Variants in STX5 observed in about 807,000 individuals in gnomAD.
The protein encoded by STX5 is syntaxin-5.
STX5 carries 15 observed loss-of-function variants against 42.9 expected under a neutral mutation model. The observed-to-expected ratio is 0.35, with a 90% confidence interval of 0.23 to 0.54. The LOEUF is 0.54. Among genes scored for constraint, STX5 ranks in the 20% least tolerant of loss-of-function variants. The pLI is 0.91. For missense variants in STX5, 430 were observed against 455.0 expected (o/e 0.95, Z 0.50); for synonymous variants, 184 against 173.2 (o/e 1.06, Z -0.49).
At chr11:62,827,949 G>A (rs1353158166) in intron 2 of STX5, among the ~76,000 whole-genome samples, 1 of 150,704 alleles carries the variant, frequency 6.6e-6, no homozygotes, top group African/African-American at 2.4e-5. Flanking sequence ...TAACAAAAAG[G>A]CTGAAAAGTA....
At chr11:62,811,353 A>T (rs1291985636) in intron 10 of STX5, among the ~76,000 whole-genome samples, 1 of 151,676 alleles carries the variant, frequency 6.6e-6, no homozygotes, top group Non-Finnish European at 1.5e-5. Flanking sequence ...CCTAATTCTC[A>T]CCCAGCATCA....
At position 62,825,556 on chromosome 11, in the gene STX5, A is replaced by G. The variant is rs780732903; in HGVS notation, c.424-17T>C. The G allele has an allele frequency of 6.2e-7, 1 of 1,610,414 alleles. No homozygotes were observed. The highest frequency in any genetic ancestry group is 1.3e-5 in the African/African-American group (1 of 74,836). ...ATTGATGTCCTGGTAAAAGAGTCCA[A>G]GGAAAAACAAAGTATTAGCCAAGGA... On this transcript the variant is annotated splice_polypyrimidine_tract_variant and intron_variant, in intron 5 of 10. Coordinates refer to ENST00000294179, the MANE Select transcript of STX5 (RefSeq NM_003164.5).
At chr11:62,815,200 G>A (rs1365747202) in intron 10 of STX5, among the ~76,000 whole-genome samples, 2 of 151,890 alleles carry the variant, frequency 1.3e-5, no homozygotes, top group African/African-American at 4.8e-5. Context: ...TAGAGATGGG[G>A]TTTCACCATG....
chr11:62,810,700 C>G (rs1255106476), intron 10 of STX5, among the ~76,000 whole-genome samples: 1 of 152,190 alleles, frequency 6.6e-6, no homozygotes, highest in Non-Finnish European at 1.5e-5. Context: ...CAAGAATCTG[C>G]ATCCCAAAAA....
intron 2 of STX5, 130 bp downstream of exon 2, chr11:62,830,889 C>T (rs1248944426): frequency 1.1e-6 from 1 of 882,122 alleles, no homozygotes; most frequent in East Asian, 2.6e-5. Context: ...GCAGACCCTA[C>T]AGGCCCCATC....
intron 2 of STX5, chr11:62,830,660 C>T (rs942766546): frequency 1.7e-5 from 8 of 482,098 alleles, no homozygotes; most frequent in South Asian, 1.4e-4. Flanking sequence ...ACAGAGCAAA[C>T]TTATGGTAGA....
chr11:62,809,497 A>T (rs1010590361), intron 10 of STX5, among the ~76,000 whole-genome samples: 20 of 149,408 alleles, frequency 1.3e-4, no homozygotes, highest in African/African-American at 4.9e-4. Context: ...ACACGGTGAA[A>T]CCCCGTCTCT....
intron 2 of STX5, among the ~76,000 whole-genome samples, chr11:62,827,913 C>A (rs1221097276): frequency 6.6e-6 from 1 of 151,772 alleles, no homozygotes; most frequent in Non-Finnish European, 1.5e-5. Flanking sequence ...ACAATCCACA[C>A]ATCTCCTATT....
At chr11:62,829,356 G>A (rs182449515) in intron 2 of STX5, among the ~76,000 whole-genome samples, 21 of 152,030 alleles carry the variant, frequency 1.4e-4, no homozygotes, top group African/African-American at 2.2e-4. Context: ...CCCGGGAGGC[G>A]GAGGTTGCAG....
chr11:62,826,166 A>C (rs1239877507), intron 5 of STX5, among the ~76,000 whole-genome samples: 4 of 151,976 alleles, frequency 2.6e-5, no homozygotes, highest in Non-Finnish European at 5.9e-5. Context: ...AGGCAAAAGA[A>C]TCGTTTTGAA....
At chr11:62,818,144 C>T (rs1201798940) in intron 10 of STX5, among the ~76,000 whole-genome samples, 2 of 149,700 alleles carry the variant, frequency 1.3e-5, no homozygotes, top group East Asian at 4.0e-4. Context: ...ACTCAGGAGG[C>T]TGAGGCAGGA....
At chr11:62,818,574 A>T (rs2084701728) in intron 10 of STX5, among the ~76,000 whole-genome samples, 1 of 151,484 alleles carries the variant, frequency 6.6e-6, no homozygotes, top group Non-Finnish European at 1.5e-5. Context: ...AGAAAAAAAA[A>T]AAAAAAAGAA....
chr11:62,816,702 T>C (rs2084676589), intron 10 of STX5, among the ~76,000 whole-genome samples: 1 of 134,904 alleles, frequency 7.4e-6, no homozygotes, highest in Non-Finnish European at 1.6e-5. Context: ...CTGGCTAACA[T>C]GGTGAAACCC....
chr11:62,807,311 C>G lies in STX5; in HGVS notation c.*158G>C, dbSNP rs1008681723. The G allele has an allele frequency of 7.0e-5, 84 of 1,202,204 alleles. No individual in the cohort carries two copies. The highest frequency in any genetic ancestry group is 8.9e-5 in the Non-Finnish European group (79 of 886,018). The allele number at this position is 1,202,204 out of a possible 1,614,324, so 74.5% of individuals were successfully genotyped here. ...GGGGGGAGGACAGGGTGGCCAGAGG[C>G]AAGGGGTGGGGGATCAGGGGCAGTG... On this transcript the variant is annotated 3_prime_UTR_variant, in exon 11 of 11. Transcript: ENST00000294179.
chr11:62,830,872 G>C (rs180992347), intron 2 of STX5, 147 bp downstream of exon 2: 2 of 796,912 alleles, frequency 2.5e-6, no homozygotes, highest in African/African-American at 3.4e-5. Flanking sequence ...CTTCTCTGTT[G>C]CTTATAGCAG....
rs536645585 is a variant in STX5, at chr11:62,815,251, C to A, written c.909-7623G>T. On this transcript the variant is annotated intron_variant, in intron 10 of 10. Coordinates refer to ENST00000294179, the MANE Select transcript of STX5 (RefSeq NM_003164.5). ...TTGATCTCTTGAGCTTGTGATCCGC[C>A]CGCCTTGGCCTCCCAAAGTACTGGG... is the stretch of plus-strand genomic sequence containing the variant. Among the ~76,000 whole-genome samples, 48 of 152,246 alleles carry A rather than the reference C, an allele frequency of 3.2e-4. No homozygotes were observed. In the South Asian group the frequency reaches 9.3e-3, roughly 30 times the overall value.
intron 10 of STX5, chr11:62,807,895 C>T (rs1434408039): frequency 8.2e-6 from 4 of 485,612 alleles, no homozygotes; most frequent in Non-Finnish European, 1.4e-5. Context: ...AACCCAAACC[C>T]TACCTTCTCT....
intron 10 of STX5, among the ~76,000 whole-genome samples, chr11:62,820,515 TTTTTC>T: frequency 6.7e-6 from 1 of 148,766 alleles, no homozygotes; most frequent in Non-Finnish European, 1.5e-5. Flanking sequence ...TACTATTTTC[TTTTTC>T]TTTTTTTTTT....
At chr11:62,820,248 T>G (rs1371288673) in intron 10 of STX5, among the ~76,000 whole-genome samples, 1 of 151,100 alleles carries the variant, frequency 6.6e-6, no homozygotes, top group Non-Finnish European at 1.5e-5. Flanking sequence ...GGCGGGAGCC[T>G]GTAGTACCAG....
Sources: allele counts gnomAD v4.1 joint callset (sites outside exome capture counted in the v4.1 genomes callset), GRCh38; gene constraint gnomAD v4.1.1; transcripts MANE v1.5; gene names NCBI Gene and HGNC (gene_info 2026-07-23, HGNC 2026-07-21).